PEPD: variants seen among roughly 807,000 people sequenced by gnomAD.
The protein encoded by PEPD is xaa-Pro dipeptidase.
Under a neutral mutation model 60.7 loss-of-function variants are expected in PEPD, and 53 were observed. The ratio of observed to expected loss-of-function variants is 0.87; its 90% CI spans 0.70 to 1.10. PEPD has a LOEUF of 1.10. Among genes scored for constraint, PEPD ranks in the 50% least tolerant of loss-of-function variants. PEPD has a pLI of 0.00. For synonymous variants in PEPD, 267 were observed against 284.1 expected (o/e 0.94, Z 0.60); for missense variants, 711 against 711.9 (o/e 1.00, Z 0.01).
At chr19:33,467,258 C>T (rs986154688) in intron 7 of PEPD, among the ~76,000 whole-genome samples, 15 of 152,040 alleles carry the variant, frequency 9.9e-5, no homozygotes, top group East Asian at 1.9e-4. Context: ...TTGTGACATC[C>T]GACCCAAAGA....
At chr19:33,483,150 T>C (rs946149307) in intron 6 of PEPD, among the ~76,000 whole-genome samples, 1 of 152,164 alleles carries the variant, frequency 6.6e-6, no homozygotes, top group Admixed American at 6.5e-5. Flanking sequence ...TGAAATATCA[T>C]AACCTGTGAG....
At chr19:33,500,362 G>C (rs905929835) in intron 4 of PEPD, among the ~76,000 whole-genome samples, 1 of 152,200 alleles carries the variant, frequency 6.6e-6, no homozygotes, top group South Asian at 2.1e-4. Flanking sequence ...AGCTGGAGTC[G>C]AGGAGTCAGG....
intron 7 of PEPD, among the ~76,000 whole-genome samples, chr19:33,469,334 C>T (rs370769356): frequency 9.2e-5 from 14 of 152,182 alleles, no homozygotes; most frequent in African/African-American, 2.9e-4. Flanking sequence ...GCCAAGCAAG[C>T]CCCAGTCACC....
chr19:33,461,506 G>A (rs976143281), intron 9 of PEPD, among the ~76,000 whole-genome samples: 7 of 152,192 alleles, frequency 4.6e-5, no homozygotes, highest in Non-Finnish European at 7.4e-5. Flanking sequence ...CCTGCAGCAC[G>A]GGGCTCAAGC....
At chr19:33,512,027 T>C (rs1355814022) in intron 2 of PEPD, among the ~76,000 whole-genome samples, 4 of 152,162 alleles carry the variant, frequency 2.6e-5, no homozygotes, top group Non-Finnish European at 5.9e-5. Context: ...CCCCTTCGCA[T>C]TCCCATCTCT....
intron 9 of PEPD, among the ~76,000 whole-genome samples, chr19:33,436,581 T>C (rs1480574271): frequency 6.6e-6 from 1 of 152,150 alleles, no homozygotes; most frequent in Admixed American, 6.5e-5. Context: ...GATGTTTAGG[T>C]CCTGCCAGGA....
chr19:33,488,090 C>T (rs1230335371), intron 6 of PEPD, among the ~76,000 whole-genome samples: 4 of 152,102 alleles, frequency 2.6e-5, no homozygotes, highest in Non-Finnish European at 5.9e-5. Flanking sequence ...GCTCAGCATT[C>T]TCTCTAGAGG....
chr19:33,402,005 G>A, intron 11 of PEPD, 136 bp from the exon 12 acceptor site: 2 of 819,754 alleles, frequency 2.4e-6, no homozygotes, highest in Middle Eastern at 6.6e-4. Flanking sequence ...AATGAGACCG[G>A]TGTGGGGAAC....
intron 9 of PEPD, among the ~76,000 whole-genome samples, chr19:33,429,374 C>A (rs1969223728): frequency 6.6e-6 from 1 of 152,190 alleles, no homozygotes; most frequent in African/African-American, 2.4e-5. Flanking sequence ...GGGGCAAAGA[C>A]ATTACTCCAA....
At chr19:33,443,799 C>G (rs910172444) in intron 9 of PEPD, among the ~76,000 whole-genome samples, 4 of 152,202 alleles carry the variant, frequency 2.6e-5, no homozygotes, top group Non-Finnish European at 4.4e-5. Context: ...TGCACACAAG[C>G]ACACAGTGTG....
At chr19:33,482,426 G>A (rs1183660171) in intron 6 of PEPD, among the ~76,000 whole-genome samples, 2 of 152,162 alleles carry the variant, frequency 1.3e-5, no homozygotes, top group Non-Finnish European at 2.9e-5. Flanking sequence ...GAACTAGGGA[G>A]GGAAGGGAAC....
intron 9 of PEPD, among the ~76,000 whole-genome samples, chr19:33,440,154 TG>T (rs1969456191): frequency 6.6e-6 from 1 of 152,162 alleles, no homozygotes; most frequent in South Asian, 2.1e-4. Flanking sequence ...GATGCTCTTC[TG>T]TTCATCCCTC....
At chr19:33,411,800 T>G in intron 10 of PEPD, 51 bp from the exon 11 acceptor site, 1 of 1,130,380 alleles carries the variant, frequency 8.8e-7, no homozygotes, top group Non-Finnish European at 1.3e-6. Context: ...TGCAGCAGGC[T>G]CTGAAGGAGG....
intron 6 of PEPD, among the ~76,000 whole-genome samples, chr19:33,486,730 G>GGCCAGACAGACCCC (rs1970403710): frequency 6.6e-6 from 1 of 152,144 alleles, no homozygotes; most frequent in African/African-American, 2.4e-5. Flanking sequence ...CAGGCACCCC[G>GGCCAGACAGACCCC]AGTAGCCACA....
intron 9 of PEPD, among the ~76,000 whole-genome samples, chr19:33,458,507 C>T (rs866020867): frequency 2.3e-5 from 3 of 130,696 alleles, no homozygotes; most frequent in Admixed American, 1.5e-4. Flanking sequence ...GTATGTGTGG[C>T]GTACATGGCG....
chr19:33,517,019 G>A lies in PEPD; in HGVS notation c.18-4243C>T, dbSNP rs191883667. On this transcript the variant is annotated intron_variant, in intron 1 of 14. Coordinates refer to ENST00000244137, the MANE Select transcript of PEPD (RefSeq NM_000285.4). ...ACATGGCAAAACCCCCATCTCTACC[G>A]AAAACACAAAAATTAGTCAGGAATG... 2.8e-3 allele frequency among the ~76,000 whole-genome samples: 421 copies of A among 151,548 alleles called. 3 individuals are homozygous for A. The highest frequency in any genetic ancestry group is 9.8e-3 in the African/African-American group (406 of 41,264).
chr19:33,432,164 T>C (rs1969288510), intron 9 of PEPD, among the ~76,000 whole-genome samples: 3 of 152,010 alleles, frequency 2.0e-5, no homozygotes, highest in Admixed American at 2.0e-4. Context: ...ACCGGCAGGT[T>C]TGGAAGCAAG....
chr19:33,408,429 T>C lies in PEPD; in HGVS notation c.818+3243A>G, dbSNP rs550998812. Among the ~76,000 whole-genome samples the C allele has an allele frequency of 1.4e-4, 22 of 152,330 alleles. No individual in the cohort carries two copies. The South Asian group carries it at 3.7e-3, about 26-fold the overall frequency. ...GAGGCAGGGGCTTACACTGTGATCA[T>C]TGCAACGCAGCACAGCCTCGGTCAG... On this transcript the variant is annotated intron_variant, in intron 11 of 14. Coordinates refer to ENST00000244137, the MANE Select transcript of PEPD (RefSeq NM_000285.4).
At chr19:33,499,447 G>GGGCTGTT (rs1970667901) in intron 4 of PEPD, among the ~76,000 whole-genome samples, 1 of 152,164 alleles carries the variant, frequency 6.6e-6, no homozygotes, top group African/African-American at 2.4e-5. Context: ...ACTGTGCCCT[G>GGGCTGTT]GGCTGTTGAG....
Sources: allele counts gnomAD v4.1 joint callset (sites outside exome capture counted in the v4.1 genomes callset), GRCh38; gene constraint gnomAD v4.1.1; transcripts MANE v1.5; gene names NCBI Gene and HGNC (gene_info 2026-07-23, HGNC 2026-07-21).